Variants in KLHL25 observed in about 807,000 individuals in gnomAD.
The protein encoded by KLHL25 is kelch like family member 25.
Under a neutral mutation model 30.0 loss-of-function variants are expected in KLHL25, and 41 were observed. The ratio of observed to expected loss-of-function variants is 1.37; its 90% CI spans 1.07 to 1.78. KLHL25 has a LOEUF of 1.78. KLHL25 is among the 40% of genes most tolerant of loss of function. The pLI is 0.00. For synonymous variants in KLHL25, 399 were observed against 355.3 expected, an observed-to-expected ratio of 1.12 and a Z score of -1.38; for missense variants, 971 against 824.5, an observed-to-expected ratio of 1.18 and a Z score of -2.18.
intron 1 of KLHL25, among the ~76,000 whole-genome samples, chr15:85,785,087 C>CTTTTTTT (rs754310721): frequency 1.4e-5 from 2 of 139,082 alleles, no homozygotes; most frequent in Non-Finnish European, 3.2e-5. Flanking sequence ...TGATGTATTT[C>CTTTTTTT]TTTTTTCTTT....
chr15:85,767,276 A>G (rs975055981), intron 2 of KLHL25, among the ~76,000 whole-genome samples: 6 of 152,154 alleles, frequency 3.9e-5, no homozygotes, highest in Non-Finnish European at 5.9e-5. Context: ...GGCATGAGCC[A>G]CTGTGCCCGG....
Position 85,793,087 on chromosome 15 carries a change from C to T in KLHL25, c.-11+1679G>A, listed in dbSNP as rs539886297. ...CCCCCGCCCCCGCCCAAGTGATAGACGGGACGAACCAAGCTTGCTTTCACT... is the reference window on the plus strand; with the variant it reads ...CCCCCGCCCCCGCCCAAGTGATAGATGGGACGAACCAAGCTTGCTTTCACT... On this transcript the variant is annotated intron_variant, in intron 1 of 2. Transcript: ENST00000337975. 3.4e-5 allele frequency among the ~76,000 whole-genome samples: 5 copies of T among 146,644 alleles called. No homozygotes were observed. The South Asian group carries it at 9.1e-4, about 27-fold the overall frequency.
At chr15:85,779,045 ATTTT>A (rs35309594) in intron 1 of KLHL25, among the ~76,000 whole-genome samples, 10 of 141,880 alleles carry the variant, frequency 7.0e-5, no homozygotes, top group African/African-American at 2.6e-4. Context: ...CTCACCAACA[ATTTT>A]TTTTTTTTTT....
intron 1 of KLHL25, among the ~76,000 whole-genome samples, chr15:85,772,356 T>A (rs982617802): frequency 1.3e-5 from 2 of 152,030 alleles, no homozygotes; most frequent in Non-Finnish European, 2.9e-5. Flanking sequence ...CTGCTCTAGG[T>A]CCCTAGGCAC....
intron 1 of KLHL25, among the ~76,000 whole-genome samples, chr15:85,786,671 G>A (rs1380837097): frequency 2.0e-5 from 3 of 152,182 alleles, no homozygotes; most frequent in Admixed American, 6.5e-5. Flanking sequence ...GTAAGGCCCC[G>A]TGCATCTCTG....
At chr15:85,787,877 C>T (rs72751900) in intron 1 of KLHL25, among the ~76,000 whole-genome samples, 14,732 of 152,104 alleles carry the variant, frequency 0.097, 865 homozygotes, top group East Asian at 0.21. Context: ...CACTGTGCTC[C>T]ATCTTTTCCT....
chr15:85,777,798 G>A (rs933946698), intron 1 of KLHL25, among the ~76,000 whole-genome samples: 2 of 152,194 alleles, frequency 1.3e-5, no homozygotes, highest in Middle Eastern at 3.2e-3. Context: ...CAGAACAGGA[G>A]GTAAGGGGTC....
At chr15:85,763,016 T>A (rs1020815304) in intron 2 of KLHL25, 3 of 150,528 alleles carry the variant, frequency 2.0e-5, no homozygotes, top group Non-Finnish European at 1.5e-5. Context: ...CTGCCTTGCA[T>A]TCGGCAGCCC....
intron 1 of KLHL25, among the ~76,000 whole-genome samples, chr15:85,792,879 G>A (rs1404491036): frequency 6.6e-6 from 1 of 152,104 alleles, no homozygotes; most frequent in Admixed American, 6.6e-5. Context: ...CGATGTGTCA[G>A]GGCCCCTAAT....
intron 1 of KLHL25, among the ~76,000 whole-genome samples, chr15:85,778,187 C>T (rs2151810573): frequency 6.6e-6 from 1 of 152,296 alleles, no homozygotes; most frequent in East Asian, 1.9e-4. Context: ...AGTCACTATG[C>T]CAAAGGGCGG....
intron 1 of KLHL25, among the ~76,000 whole-genome samples, chr15:85,777,126 G>A (rs1358053922): frequency 1.3e-5 from 2 of 152,168 alleles, no homozygotes; most frequent in Non-Finnish European, 2.9e-5. Context: ...TGCCCATGGG[G>A]CAGTTCTAGA....
At chr15:85,766,994 A>ATTT (rs35838334) in intron 2 of KLHL25, among the ~76,000 whole-genome samples, 3 of 140,854 alleles carry the variant, frequency 2.1e-5, no homozygotes, top group Non-Finnish European at 4.6e-5. Context: ...GTTGGCGATC[A>ATTT]TTTTTTTTTT....
intron 2 of KLHL25, among the ~76,000 whole-genome samples, chr15:85,764,732 C>T (rs1214504682): frequency 6.6e-6 from 1 of 152,202 alleles, no homozygotes; most frequent in East Asian, 1.9e-4. Flanking sequence ...CAGCCCACAG[C>T]ACCCCAAAAC....
At chr15:85,787,593 TGAA>T (rs2089788746) in intron 1 of KLHL25, among the ~76,000 whole-genome samples, 1 of 152,212 alleles carries the variant, frequency 6.6e-6, no homozygotes, top group Non-Finnish European at 1.5e-5. Context: ...AGATGCATGA[TGAA>T]GGACACACAA....
chr15:85,765,331 T>TA (rs11406092), intron 2 of KLHL25, among the ~76,000 whole-genome samples: 94,726 of 150,336 alleles, frequency 0.63, 30,010 homozygotes, highest in East Asian at 0.78. Context: ...GACAGCAGAT[T>TA]AAAAAAAAAG....
In KLHL25 at chr15:85,789,441, C is replaced by T. The variant is rs367577820; in HGVS notation, c.-11+5325G>A. 3.3e-5 allele frequency among the ~76,000 whole-genome samples: 5 copies of T among 151,888 alleles called. No individual in the cohort carries two copies. The highest frequency in any genetic ancestry group is 2.1e-4 in the South Asian group (1 of 4,822). On this transcript the variant is annotated intron_variant, in intron 1 of 2. Transcript: ENST00000337975. The surrounding 1 kb of genome is among the most constrained non-coding windows in gnomAD (Gnocchi z 4.1). ...TGTTGCCCAGGCTGCAGTGCCATGG[C>T]GCGATCTCGGCTTACTGCAACTTCT...
chr15:85,762,894 G>A (rs2089592881), intron 2 of KLHL25: 1 of 152,444 alleles, frequency 6.6e-6, no homozygotes, highest in Non-Finnish European at 1.5e-5. Context: ...GCCCACAGTG[G>A]ATTAATGAGC....
intron 1 of KLHL25, among the ~76,000 whole-genome samples, 200 bp downstream of exon 1, chr15:85,794,566 T>TGCCG (rs1406746887): frequency 6.6e-6 from 1 of 151,930 alleles, no homozygotes; most frequent in African/African-American, 2.4e-5. Context: ...AGCCGCGGGG[T>TGCCG]GCCGGCCGGC....
intron 1 of KLHL25, among the ~76,000 whole-genome samples, chr15:85,787,912 C>T (rs1280891299): frequency 6.6e-6 from 1 of 151,624 alleles, no homozygotes; most frequent in African/African-American, 2.4e-5. Context: ...TAAAGGAAAT[C>T]CTAGCTGGGC....
Sources: gnomAD v4.1 joint callset for allele counts (sites outside exome capture counted in the v4.1 genomes callset) on GRCh38, gnomAD v4.1.1 for gene constraint, Gnocchi (gnomAD v3.1) non-coding constraint, MANE v1.5 for transcripts, NCBI Gene and HGNC (gene_info 2026-07-23, HGNC 2026-07-21) for gene names.